SOHLH2: variants seen among roughly 807,000 people sequenced by gnomAD.
SOHLH2 encodes the protein spermatogenesis- and oogenesis-specific basic helix-loop-helix-containing protein 2.
In SOHLH2, 22 loss-of-function variants were observed where a neutral mutation model predicts 50.4. The observed-to-expected ratio is 0.44, with a 90% CI of 0.31 to 0.62. SOHLH2 has a LOEUF of 0.62. Ranked by LOEUF, SOHLH2 falls within the 20% of genes least tolerant of loss-of-function variation. The probability of loss-of-function intolerance (pLI) is 0.08; values close to 1 mark genes in which losing one functional copy is unlikely to be tolerated. For missense variants in SOHLH2, 412 were observed against 504.4 expected, an observed-to-expected ratio of 0.82 and a Z score of 1.76; for synonymous variants, 185 against 187.3, an observed-to-expected ratio of 0.99 and a Z score of 0.10.
In SOHLH2 at chr13:36,181,319, T is replaced by A. The variant is rs186830947; in HGVS notation, c.642-6450A>T. Among the ~76,000 whole-genome samples the A allele has an allele frequency of 2.4e-3, 364 of 152,300 alleles. 4 individuals carry two copies. Among genetic ancestry groups the A allele is most frequent in the Admixed American group, 0.022 (333 of 15,300 alleles). On this transcript the variant is annotated intron_variant, in intron 6 of 10. Transcript: ENST00000379881. ...TTTGTTTTTATCTATTCTGAAAACTTCTGCCTATAAGTTGGATATAGTTGG... is the reference window on the plus strand; with the variant it reads ...TTTGTTTTTATCTATTCTGAAAACTACTGCCTATAAGTTGGATATAGTTGG...
Position 36,170,849 on chromosome 13 carries a change from G to A in SOHLH2, c.1001-62C>T, listed in dbSNP as rs981786505. ...CACAATTCTGTAATTCAGAACGACT[G>A]TTATTCGACATAAACTGCCCGCTAT... On this transcript the variant is annotated intron_variant, in intron 9 of 10. Coordinates refer to ENST00000379881, the MANE Select transcript of SOHLH2 (RefSeq NM_017826.3). The A allele has an allele frequency of 2.2e-4, 347 of 1,567,312 alleles. 1 individual carries two copies. Among genetic ancestry groups the A allele is most frequent in the Non-Finnish European group, 4.9e-5 (56 of 1,154,602 alleles).
At position 36,193,408 on chromosome 13, in the gene SOHLH2, AC is replaced by A. The variant is rs530777085; in HGVS notation, c.430+212del. On this transcript the variant is annotated intron_variant, in intron 4 of 10. Transcript: ENST00000379881. Reference sequence around the variant, plus strand: ...AAAACAGTAACACAATGCTGCTTCAACCCCCCACCCAAAACCCTGTGCCTAC... The same window carrying A: ...AAAACAGTAACACAATGCTGCTTCAACCCCCACCCAAAACCCTGTGCCTAC... Among the ~76,000 whole-genome samples, 518 of 152,176 alleles carry A rather than the reference AC, an allele frequency of 3.4e-3. 4 individuals are homozygous for A. Among genetic ancestry groups the A allele is most frequent in the African/African-American group, 0.012 (487 of 41,542 alleles).
intron 10 of SOHLH2, among the ~76,000 whole-genome samples, chr13:36,169,844 G>C (rs956359702): frequency 6.6e-6 from 1 of 152,148 alleles, no homozygotes; most frequent in African/African-American, 2.4e-5. Context: ...TTCTCCAGGG[G>C]TGAGCAGTCA....
chr13:36,199,512 A>G (rs1231166100), intron 2 of SOHLH2, among the ~76,000 whole-genome samples: 1 of 152,238 alleles, frequency 6.6e-6, no homozygotes, highest in African/African-American at 2.4e-5. Flanking sequence ...ACAGGAGACA[A>G]ACAAGGAATA....
At chr13:36,201,811 A>G in intron 2 of SOHLH2, 68 bp downstream of exon 2, 1 of 1,580,478 alleles carries the variant, frequency 6.3e-7, no homozygotes, top group South Asian at 1.2e-5. Flanking sequence ...TCTTTTTAGG[A>G]GTTTTTAAAA....
Position 36,170,760 on chromosome 13 carries a change from G to C in SOHLH2, c.1028C>G (p.Ala343Gly). The change falls in exon 10 of 11, where the codon GCT (alanine) becomes GGT (glycine). Residue 343 changes from alanine to glycine, a missense_variant. By Grantham distance (60) the Ala-to-Gly change is moderately conservative. Coordinates refer to ENST00000379881, the MANE Select transcript of SOHLH2 (RefSeq NM_017826.3). ...RVPSSSASEN[A>G]IGDPYKTHIS... ...GTGAGTTTTATATGGATCACCAATA[G>C]CATTCTCTGAGGCGGAGCTTGATGG... 6.2e-7 allele frequency: 1 copy of C among 1,613,980 alleles called. No homozygotes were observed. Among genetic ancestry groups the C allele is most frequent in the Admixed American group, 1.7e-5 (1 of 60,022 alleles).
intron 5 of SOHLH2, among the ~76,000 whole-genome samples, chr13:36,190,749 G>A (rs1323267236): frequency 1.3e-5 from 2 of 152,156 alleles, no homozygotes; most frequent in African/African-American, 4.8e-5. Flanking sequence ...AAGAAAAGCA[G>A]TTGCAAGTAA....
intron 6 of SOHLH2, among the ~76,000 whole-genome samples, chr13:36,179,623 G>C (rs1387912949): frequency 2.6e-5 from 4 of 151,692 alleles, no homozygotes; most frequent in Non-Finnish European, 5.9e-5. Flanking sequence ...ATGTTGGCCT[G>C]GTCGGTCTTG....
Position 36,201,842 on chromosome 13 carries a change from AT to A in SOHLH2, c.263+36del, listed in dbSNP as rs1256994237. The A allele has an allele frequency of 1.0e-5, 16 of 1,603,930 alleles. No individual in the cohort carries two copies. The South Asian group carries it at 1.8e-4, about 18-fold the overall frequency. The stretch of plus-strand genomic sequence containing the variant: ...TAAAAAATGGGTTTTTAAAAAAATG[AT>A]TCTAAAGATACAGCATCAAGGCTTT... On this transcript the variant is annotated intron_variant, in intron 2 of 10. Transcript: ENST00000379881.
chr13:36,196,457 G>A (rs1164598347), intron 2 of SOHLH2, among the ~76,000 whole-genome samples: 1 of 152,122 alleles, frequency 6.6e-6, no homozygotes, highest in Non-Finnish European at 1.5e-5. Flanking sequence ...ATGAGAAAGT[G>A]TGGATTATAA....
chr13:36,174,613 A>G (rs570158312), intron 7 of SOHLH2, 46 bp from the exon 8 acceptor site: 1 of 1,611,446 alleles, frequency 6.2e-7, no homozygotes, highest in Non-Finnish European at 8.5e-7. Context: ...ACATTTTTAC[A>G]TAGATACAAA....
At chr13:36,174,226 T>C (rs941381071) in intron 8 of SOHLH2, among the ~76,000 whole-genome samples, 1 of 152,108 alleles carries the variant, frequency 6.6e-6, no homozygotes, top group African/African-American at 2.4e-5. Context: ...AAGCCCCATT[T>C]TAAGAACCTC....
chr13:36,169,265 A>C (rs1171971941), intron 10 of SOHLH2, among the ~76,000 whole-genome samples: 1 of 152,224 alleles, frequency 6.6e-6, no homozygotes, highest in African/African-American at 2.4e-5. Context: ...ACCCACCCAG[A>C]GTAAGTATAG....
intron 6 of SOHLH2, among the ~76,000 whole-genome samples, chr13:36,184,171 C>T (rs972202667): frequency 6.6e-6 from 1 of 152,014 alleles, no homozygotes; most frequent in East Asian, 1.9e-4. Flanking sequence ...TTTCAGATGA[C>T]AGCATAATTA....
At chr13:36,210,205 T>G (rs1371818445) in intron 1 of SOHLH2, among the ~76,000 whole-genome samples, 1 of 152,130 alleles carries the variant, frequency 6.6e-6, no homozygotes, top group Non-Finnish European at 1.5e-5. Flanking sequence ...GTCCACAGGG[T>G]AAATCCAGGG....
At chr13:36,187,541 G>C (rs1027975067) in intron 6 of SOHLH2, among the ~76,000 whole-genome samples, 1 of 152,124 alleles carries the variant, frequency 6.6e-6, no homozygotes, top group Admixed American at 6.5e-5. Flanking sequence ...GCAGTCATGG[G>C]AATGAAGCCC....
chr13:36,170,786 A>T lies in SOHLH2; in HGVS notation c.1002T>A (p.Val334=). 2 of 1,610,314 alleles carry T rather than the reference A, an allele frequency of 1.2e-6. No homozygotes were observed. The highest frequency in any genetic ancestry group is 1.7e-6 in the Non-Finnish European group (2 of 1,177,082). ...AESSLDEAVR[V]PSSSASENAI... is the part of the protein sequence containing the mutation. ...CATTCTCTGAGGCGGAGCTTGATGG[A>T]ACTTTAATGAGAAAGAAAACAAATA... The change falls in exon 10 of 11, where the codon GTT becomes GTA. Residue 334 remains valine, a splice_region_variant and synonymous_variant. Transcript: ENST00000379881.
intron 4 of SOHLH2, among the ~76,000 whole-genome samples, chr13:36,192,807 C>T (rs1458999005): frequency 1.3e-5 from 2 of 152,144 alleles, no homozygotes; most frequent in Admixed American, 6.5e-5. Context: ...TCTACCCTCT[C>T]AGCAAATTTC....
Position 36,168,936 on chromosome 13 carries a change from T to C in SOHLH2, c.*98A>G. 5 of 1,525,614 alleles carry C rather than the reference T, an allele frequency of 3.3e-6. No homozygotes were observed. In the South Asian group the frequency reaches 6.6e-5, roughly 20 times the overall value. The allele number at this position is 1,525,614 out of a possible 1,614,324, so 94.5% of individuals were successfully genotyped here. A position where few individuals can be genotyped will look rare whatever the true frequency, so the allele number is the denominator to read the frequency against. On this transcript the variant is annotated 3_prime_UTR_variant, in exon 11 of 11. Transcript: ENST00000379881. ...GCCAACTCTTTTGATATTAGGTCTTTGGGTGGAGCTTTCAAAATCATTCTT... is the reference window on the plus strand; with the variant it reads ...GCCAACTCTTTTGATATTAGGTCTTCGGGTGGAGCTTTCAAAATCATTCTT...
Sources: allele counts gnomAD v4.1 joint callset (sites outside exome capture counted in the v4.1 genomes callset), GRCh38; gene constraint gnomAD v4.1.1; transcripts MANE v1.5; gene names NCBI Gene and HGNC (gene_info 2026-07-23, HGNC 2026-07-21).